RALY: variants seen among roughly 807,000 people sequenced by gnomAD.
RALY encodes RNA-binding protein Raly.
In RALY, 15 loss-of-function variants were observed where a neutral mutation model predicts 30.7. The observed-to-expected ratio is 0.49, with a 90% CI of 0.33 to 0.75. The LOEUF (loss-of-function observed/expected upper bound fraction) is 0.75. RALY is among the 30% of genes least tolerant of loss of function. RALY has a pLI of 0.02. For missense variants in RALY, 339 were observed against 414.3 expected (o/e 0.82, Z 1.58); for synonymous variants, 177 against 170.8 (o/e 1.04, Z -0.28).
At chr20:34,078,164 GGCC>G (rs2033947637) in intron 8 of RALY, among the ~76,000 whole-genome samples, 1 of 152,234 alleles carries the variant, frequency 6.6e-6, no homozygotes, top group Non-Finnish European at 1.5e-5. Flanking sequence ...TGTCCATAAA[GGCC>G]CTAACAAAGA....
At chr20:34,011,940 C>T (rs2123018535) in intron 1 of RALY, among the ~76,000 whole-genome samples, 1 of 152,256 alleles carries the variant, frequency 6.6e-6, no homozygotes, top group African/African-American at 2.4e-5. Context: ...GTGGCGCACG[C>T]CTGTAGTCCC....
At chr20:34,043,811 C>CA (rs1286709265) in intron 2 of RALY, among the ~76,000 whole-genome samples, 1 of 152,046 alleles carries the variant, frequency 6.6e-6, no homozygotes, top group East Asian at 1.9e-4. Flanking sequence ...AAGGAGTAGC[C>CA]AAACACATGG....
intron 2 of RALY, among the ~76,000 whole-genome samples, chr20:34,049,743 A>G (rs149179696): frequency 1.6e-4 from 25 of 152,340 alleles, no homozygotes; most frequent in Middle Eastern, 3.4e-3. Flanking sequence ...CACAATGTAC[A>G]GATGAGGAAA....
chr20:34,077,268 G>T (rs752308098), intron 8 of RALY, 23 bp downstream of exon 8: 2 of 1,612,788 alleles, frequency 1.2e-6, no homozygotes, highest in South Asian at 2.2e-5. Flanking sequence ...CCAGGGGCAC[G>T]ACTGGGACTC....
chr20:34,070,794 G>A (rs59623549), intron 2 of RALY, among the ~76,000 whole-genome samples: 10,186 of 152,176 alleles, frequency 0.067, 1,113 homozygotes, highest in African/African-American at 0.23. Context: ...TAGCCACAGC[G>A]AGTGCCTGGT....
intron 1 of RALY, among the ~76,000 whole-genome samples, chr20:34,007,945 A>G (rs1380253463): frequency 6.6e-6 from 1 of 152,126 alleles, no homozygotes; most frequent in African/African-American, 2.4e-5. Context: ...ACTGTCTTCA[A>G]GGAGCATATA....
intron 2 of RALY, among the ~76,000 whole-genome samples, chr20:34,071,554 A>T (rs2033728457): frequency 6.6e-6 from 1 of 152,144 alleles, no homozygotes; most frequent in South Asian, 2.1e-4. Flanking sequence ...CTGGGATTAC[A>T]GTTGTGAGCC....
intron 2 of RALY, among the ~76,000 whole-genome samples, chr20:34,067,578 A>C (rs190852658): frequency 6.6e-6 from 1 of 152,042 alleles, no homozygotes; most frequent in Non-Finnish European, 1.5e-5. Flanking sequence ...CTCCATGTTC[A>C]GGCTTGTTTT....
At chr20:34,012,932 C>A (rs2031463829) in intron 1 of RALY, among the ~76,000 whole-genome samples, 1 of 152,168 alleles carries the variant, frequency 6.6e-6, no homozygotes, top group African/African-American at 2.4e-5. Flanking sequence ...GTTTGACTTA[C>A]TGATTTTTTG....
chr20:34,075,795 C>G (rs2033857647), intron 5 of RALY, 79 bp from the exon 6 acceptor site: 1 of 1,459,568 alleles, frequency 6.9e-7, no homozygotes, highest in African/African-American at 1.4e-5. Context: ...ACCAGCCACA[C>G]ACGTTTGTAG....
intron 2 of RALY, among the ~76,000 whole-genome samples, chr20:34,034,562 T>TA (rs2032407365): frequency 6.6e-6 from 1 of 152,208 alleles, no homozygotes; most frequent in South Asian, 2.1e-4. Flanking sequence ...GTGTAATATA[T>TA]ACATTTATAT....
chr20:34,077,465 TC>T, intron 8 of RALY: 1 of 993,436 alleles, frequency 1.0e-6, no homozygotes, highest in Non-Finnish European at 1.4e-6. Context: ...AGGGCAGACC[TC>T]CCCCAAATGC....
chr20:34,009,557 G>A lies in RALY; in HGVS notation c.-93+15426G>A, dbSNP rs950553648. On this transcript the variant is annotated intron_variant, in intron 1 of 9. Coordinates refer to ENST00000246194, the MANE Select transcript of RALY (RefSeq NM_016732.3). Reference sequence around the variant, plus strand: ...CAGCCTCTACCAGGGTTGTTATATTGTGACTCCTTGTACACTGGCTAGTCC... The same window carrying A: ...CAGCCTCTACCAGGGTTGTTATATTATGACTCCTTGTACACTGGCTAGTCC... Among the ~76,000 whole-genome samples, 14 of 152,026 alleles carry A rather than the reference G, an allele frequency of 9.2e-5. No individual in the cohort carries two copies. The South Asian group carries it at 1.9e-3, about 20-fold the overall frequency.
chr20:34,073,601 A>T lies in RALY; in HGVS notation c.295A>T (p.Lys99Ter). 1 of 1,605,946 alleles carries T rather than the reference A, an allele frequency of 6.2e-7. No individual in the cohort carries two copies. The highest frequency in any genetic ancestry group is 8.5e-7 in the Non-Finnish European group (1 of 1,172,516). The change falls in exon 4 of 10, where the codon AAG (lysine) becomes TAG (stop). Residue 99 changes from lysine (K) to a stop codon, truncating the protein, a stop_gained. Coordinates refer to ENST00000246194, the MANE Select transcript of RALY (RefSeq NM_016732.3). LOFTEE classifies it high-confidence loss of function. ...MAGEPKPDRP[K>*]GLKRAASAIY... ...TGGAGAGCCTAAGCCTGACAGACCC[A>T]AGGGGCTAAAGAGAGCAGCATCTGC...
At chr20:34,058,421 G>GGGAGTGAGAGAGGGGTCAGGGTC (rs2033318913) in intron 2 of RALY, among the ~76,000 whole-genome samples, 1 of 152,074 alleles carries the variant, frequency 6.6e-6, no homozygotes, top group Non-Finnish European at 1.5e-5. Flanking sequence ...GGGTCAGGGT[G>GGGAGTGAGAGAGGGGTCAGGGTC]GCAGCTTCAA....
intron 1 of RALY, among the ~76,000 whole-genome samples, chr20:34,012,833 TC>T (rs2031459789): frequency 2.0e-5 from 3 of 152,238 alleles, no homozygotes; most frequent in African/African-American, 7.2e-5. Context: ...ACCCACTGTT[TC>T]CCTGTGTTTC....
chr20:33,998,256 G>T (rs1031003961), intron 1 of RALY, among the ~76,000 whole-genome samples: 1 of 152,210 alleles, frequency 6.6e-6, no homozygotes, highest in African/African-American at 2.4e-5. Flanking sequence ...ACAGAAAAAT[G>T]ATGCCTAACC....
rs147200336 is a variant in RALY at position 34,078,672 on chromosome 20, A to G, written c.*4+119A>G. The G allele has an allele frequency of 2.2e-4, 206 of 917,750 alleles. 2 individuals are homozygous for G. The East Asian group carries it at 5.2e-3, about 23-fold the overall frequency. The allele number at this position is 917,750 out of a possible 1,614,324, so 56.9% of individuals were successfully genotyped here. On this transcript the variant is annotated intron_variant, in intron 9 of 9. Transcript: ENST00000246194. ...CATACCTGGCCAAGTAGCACTGACTATACCCAAGAATGAAGTCCCCTCCAT... is the reference window on the plus strand; with the variant it reads ...CATACCTGGCCAAGTAGCACTGACTGTACCCAAGAATGAAGTCCCCTCCAT...
At chr20:33,996,884 C>G (rs2030657883) in intron 1 of RALY, among the ~76,000 whole-genome samples, 1 of 152,118 alleles carries the variant, frequency 6.6e-6, no homozygotes, top group Non-Finnish European at 1.5e-5. Context: ...CAATATTTGT[C>G]CTTTTGTGCC....
Sources: allele counts gnomAD v4.1 joint callset (sites outside exome capture counted in the v4.1 genomes callset), GRCh38; gene constraint gnomAD v4.1.1; transcripts MANE v1.5; gene names NCBI Gene and HGNC (gene_info 2026-07-23, HGNC 2026-07-21).